The following KCNB2 variants were observed in gnomAD, a reference collection of about 807,000 sequenced individuals.
The protein encoded by KCNB2 is delayed rectifier potassium channel protein.
In KCNB2, 15 loss-of-function variants were observed where a neutral mutation model predicts 61.5. That is an observed-to-expected ratio of 0.24 (90% confidence interval 0.16 to 0.38). The LOEUF is 0.38. Ranked by LOEUF, KCNB2 falls within the 10% of genes least tolerant of loss-of-function variation. The pLI, the probability that KCNB2 is intolerant of heterozygous loss-of-function variation, is 1.00. For synonymous variants in KCNB2, 457 were observed against 446.0 expected (o/e 1.02, Z -0.31); for missense variants, 828 against 1,125.2 (o/e 0.74, Z 3.78).
chr8:72,904,338 T>G (rs1806135865), intron 2 of KCNB2, among the ~76,000 whole-genome samples: 1 of 152,130 alleles, frequency 6.6e-6, no homozygotes, highest in African/African-American at 2.4e-5. Flanking sequence ...TGAAACAGAT[T>G]TGGACATCCT....
rs577992652 is a variant in KCNB2, at chr8:72,663,261, A to G, written c.579+94948A>G. ...TTTTTTTAAATAATACAAGACATGG[A>G]AGACTGAAAGTGAGGAAGTATTCCA... On this transcript the variant is annotated intron_variant, in intron 2 of 2. Coordinates refer to ENST00000523207, the MANE Select transcript of KCNB2 (RefSeq NM_004770.3). 2.6e-5 allele frequency among the ~76,000 whole-genome samples: 4 copies of G among 152,290 alleles called. No homozygotes were observed. In the South Asian group the frequency reaches 8.3e-4, roughly 32 times the overall value.
chr8:72,795,827 G>A (rs990397833), intron 2 of KCNB2, among the ~76,000 whole-genome samples: 1 of 152,132 alleles, frequency 6.6e-6, no homozygotes, highest in African/African-American at 2.4e-5. Context: ...ACATATTCCT[G>A]TTATTCTTCA....
At chr8:72,694,388 G>A (rs1490181169) in intron 2 of KCNB2, among the ~76,000 whole-genome samples, 1 of 152,142 alleles carries the variant, frequency 6.6e-6, no homozygotes. Context: ...TATACCGTGT[G>A]CATTTGTCCT....
intron 2 of KCNB2, among the ~76,000 whole-genome samples, chr8:72,826,697 C>A (rs2129001525): frequency 6.6e-6 from 1 of 152,210 alleles, no homozygotes; most frequent in Non-Finnish European, 1.5e-5. Context: ...GTAATTGACT[C>A]CTTAGAGTCT....
chr8:72,937,971 T>A lies in KCNB2; in HGVS notation c.2616T>A (p.Ser872Arg), dbSNP rs754213241. 4.3e-5 allele frequency: 70 copies of A among 1,613,806 alleles called. No homozygotes were observed. The highest frequency in any genetic ancestry group is 1.7e-5 in the Admixed American group (1 of 59,978). ...GGCAAGACATTTACCATGCTGTGAG[T>A]GAAGTCAAAAAGGACAGTAGTCAAG... ...NCRQDIYHAV[S>R]EVKKDSSQEG... is the part of the protein sequence containing the mutation. Residue 872 changes from serine to arginine, a missense_variant, in exon 3 of 3, where the codon AGT becomes AGA. By Grantham distance (110) the Ser-to-Arg change is moderately radical. Coordinates refer to ENST00000523207, the MANE Select transcript of KCNB2 (RefSeq NM_004770.3).
chr8:72,682,298 A>C (rs1227763660), intron 2 of KCNB2, among the ~76,000 whole-genome samples: 2 of 152,202 alleles, frequency 1.3e-5, no homozygotes, highest in East Asian at 3.9e-4. Context: ...GTGGCTATAG[A>C]CCAAGGCAAA....
chr8:72,672,739 C>T (rs894495035), intron 2 of KCNB2, among the ~76,000 whole-genome samples: 1 of 152,006 alleles, frequency 6.6e-6, no homozygotes, highest in African/African-American at 2.4e-5. Flanking sequence ...GCATAAATCT[C>T]AAACTCAAGT....
chr8:72,729,865 A>G (rs538235299), intron 2 of KCNB2, among the ~76,000 whole-genome samples: 3 of 152,230 alleles, frequency 2.0e-5, no homozygotes, highest in Middle Eastern at 3.4e-3. Context: ...AGCCTGGGCA[A>G]CAAGAGCAAA....
At chr8:72,707,594 A>G (rs1323883421) in intron 2 of KCNB2, among the ~76,000 whole-genome samples, 1 of 152,156 alleles carries the variant, frequency 6.6e-6, no homozygotes, top group Non-Finnish European at 1.5e-5. Context: ...GGGAGCATTC[A>G]TCTCCACACA....
intron 2 of KCNB2, among the ~76,000 whole-genome samples, chr8:72,827,071 A>G (rs1354660318): frequency 1.3e-5 from 2 of 152,182 alleles, no homozygotes; most frequent in Admixed American, 6.5e-5. Flanking sequence ...AATTTCTGTA[A>G]TATTAGATAA....
At chr8:72,921,191 G>C (rs868838899) in intron 2 of KCNB2, among the ~76,000 whole-genome samples, 2 of 151,992 alleles carry the variant, frequency 1.3e-5, no homozygotes, top group African/African-American at 4.8e-5. Flanking sequence ...GTAGGAATAT[G>C]GCTTAGTATA....
chr8:72,647,450 T>G (rs1195749251), intron 2 of KCNB2, among the ~76,000 whole-genome samples: 1 of 152,198 alleles, frequency 6.6e-6, no homozygotes, highest in Non-Finnish European at 1.5e-5. Context: ...TCAATTCAAT[T>G]TGCACATACA....
chr8:72,577,387 TA>T (rs1265287050), intron 2 of KCNB2, among the ~76,000 whole-genome samples: 1 of 152,168 alleles, frequency 6.6e-6, no homozygotes, highest in Admixed American at 6.5e-5. Context: ...GAGTATGTTC[TA>T]TTGTAAAGAA....
Position 72,936,415 on chromosome 8 carries a change from T to C in KCNB2, c.1060T>C (p.Phe354Leu). ...MGIMIFSSLV[F>L]FAEKDEDATK... ...GATAATGATATTTTCCAGCCTGGTA[T>C]TTTTTGCTGAGAAGGATGAAGATGC... The change falls in exon 3 of 3, where the codon TTT becomes CTT. Residue 354 changes from phenylalanine (F) to leucine (L), a missense_variant. Physicochemically the swap from Phe to Leu is conservative, Grantham distance 22. This residue lies in a region of KCNB2 where 44 missense variants were observed against 167.6 expected (regional missense o/e 0.26). Transcript: ENST00000523207. The surrounding 1 kb of genome is among the most constrained non-coding windows in gnomAD (Gnocchi z 5.6). 6.2e-7 allele frequency: 1 copy of C among 1,614,208 alleles called. No individual in the cohort carries two copies. Among genetic ancestry groups the C allele is most frequent in the Non-Finnish European group, 8.5e-7 (1 of 1,180,024 alleles).
At chr8:72,773,087 C>G (rs1808587822) in intron 2 of KCNB2, among the ~76,000 whole-genome samples, 1 of 152,168 alleles carries the variant, frequency 6.6e-6, no homozygotes, top group Non-Finnish European at 1.5e-5. Flanking sequence ...TCTCAATTGG[C>G]CAGAATCTAA....
intron 2 of KCNB2, among the ~76,000 whole-genome samples, chr8:72,843,918 G>A (rs545863508): frequency 1.5e-3 from 234 of 152,128 alleles, no homozygotes; most frequent in African/African-American, 5.4e-3. Context: ...TTTTAACTGG[G>A]GCATTTAGCC....
chr8:72,635,771 A>G (rs1390646609), intron 2 of KCNB2, among the ~76,000 whole-genome samples: 1 of 152,210 alleles, frequency 6.6e-6, no homozygotes, highest in East Asian at 1.9e-4. Context: ...CAAAGAATTC[A>G]AAGTGTAAGA....
At chr8:72,821,086 T>C (rs1279554671) in intron 2 of KCNB2, among the ~76,000 whole-genome samples, 2 of 152,148 alleles carry the variant, frequency 1.3e-5, no homozygotes, top group African/African-American at 2.4e-5. Context: ...TCTTCTTCAA[T>C]TTTCATATCT....
chr8:72,655,060 G>A (rs1275230748), intron 2 of KCNB2, among the ~76,000 whole-genome samples: 2 of 152,078 alleles, frequency 1.3e-5, no homozygotes, highest in East Asian at 3.9e-4. Flanking sequence ...GCCCATCAGT[G>A]GTAGAATGGA....
Sources: gnomAD v4.1 joint callset for allele counts (sites outside exome capture counted in the v4.1 genomes callset) on GRCh38, gnomAD v4.1.1 for gene constraint, gnomAD v4.1.1 regional missense constraint, Gnocchi (gnomAD v3.1) non-coding constraint, MANE v1.5 for transcripts, NCBI Gene and HGNC (gene_info 2026-07-23, HGNC 2026-07-21) for gene names.